Variants in EML5 observed in about 807,000 individuals in gnomAD.
The protein encoded by EML5 is echinoderm microtubule-associated protein-like 5.
Under a neutral mutation model 250.0 loss-of-function variants are expected in EML5, and 120 were observed. That is an observed-to-expected ratio of 0.48 (90% CI 0.41 to 0.56). The LOEUF (loss-of-function observed/expected upper bound fraction) is 0.56, where lower values mean the gene tolerates loss of function less well. EML5 is among the 20% of genes least tolerant of loss of function. The pLI is 0.00. For missense variants in EML5, 2,006 were observed against 2,437.6 expected (o/e 0.82, Z 3.73); for synonymous variants, 771 against 806.5 (o/e 0.96, Z 0.75).
chr14:88,713,033 G>A (rs1167817345), intron 9 of EML5, among the ~76,000 whole-genome samples: 1 of 152,106 alleles, frequency 6.6e-6, no homozygotes. Context: ...GAATTATGCA[G>A]CTAATTTTAT....
chr14:88,662,759 G>A (rs2092165756), intron 24 of EML5, among the ~76,000 whole-genome samples: 1 of 151,858 alleles, frequency 6.6e-6, no homozygotes, highest in Admixed American at 6.6e-5. Context: ...TATCCAGTCT[G>A]GTCTTGAACT....
At chr14:88,768,302 G>A (rs1346096952) in intron 1 of EML5, among the ~76,000 whole-genome samples, 2 of 152,166 alleles carry the variant, frequency 1.3e-5, no homozygotes, top group Non-Finnish European at 2.9e-5. Context: ...GGGAGATACT[G>A]TGAGACTATG....
intron 21 of EML5, among the ~76,000 whole-genome samples, chr14:88,674,572 A>G (rs2092551309): frequency 6.6e-6 from 1 of 152,020 alleles, no homozygotes; most frequent in Admixed American, 6.6e-5. Context: ...CCCACAACAC[A>G]TGTGAATTCG....
At chr14:88,734,050 C>T (rs1266448246) in intron 7 of EML5, among the ~76,000 whole-genome samples, 1 of 151,418 alleles carries the variant, frequency 6.6e-6, no homozygotes, top group Non-Finnish European at 1.5e-5. Context: ...AAATTACTTG[C>T]AATTTACATT....
chr14:88,792,483 CG>C lies in EML5; in HGVS notation c.20del (p.Pro7ArgfsTer70). Reference protein sequence around the residue: MAARSAPSCHLRLEWVY... With the variant: MAARSAXSCHLRLEWVY... ...CCCACTCGAGCCGCAGGTGGCAGCT[CG>C]GGGCGCTCCGGGCCGCCATGTCGGG... On this transcript the variant is annotated frameshift_variant, in exon 1 of 44. Transcript: ENST00000554922. LOFTEE classifies it high-confidence loss of function. The surrounding 1 kb of genome is among the most constrained non-coding windows in gnomAD (Gnocchi z 6.9). 6.9e-7 allele frequency: 1 copy of C among 1,455,728 alleles called. No homozygotes were observed. The highest frequency in any genetic ancestry group is 1.4e-5 in the South Asian group (1 of 72,518). 90.2% of individuals were successfully genotyped at this position (1,455,728 alleles called of 1,614,324 possible). A position where few individuals can be genotyped will look rare whatever the true frequency, so the allele number is the denominator to read the frequency against.
chr14:88,730,461 G>A (rs535847272), intron 7 of EML5, among the ~76,000 whole-genome samples: 1 of 152,316 alleles, frequency 6.6e-6, no homozygotes, highest in South Asian at 2.1e-4. Flanking sequence ...AATTGCAGCA[G>A]CTTAAGAAAT....
intron 1 of EML5, among the ~76,000 whole-genome samples, chr14:88,769,798 C>T (rs2094368476): frequency 6.6e-6 from 1 of 152,152 alleles, no homozygotes; most frequent in Non-Finnish European, 1.5e-5. Context: ...TCCGAAACCA[C>T]AGGGCTCATT....
intron 7 of EML5, among the ~76,000 whole-genome samples, chr14:88,730,369 GA>G (rs1475264545): frequency 6.6e-6 from 1 of 152,204 alleles, no homozygotes; most frequent in Non-Finnish European, 1.5e-5. Context: ...GAGGTTGCAA[GA>G]GAAGTAAGTT....
chr14:88,768,620 C>A (rs1339879389), intron 1 of EML5, among the ~76,000 whole-genome samples: 1 of 152,136 alleles, frequency 6.6e-6, no homozygotes, highest in Non-Finnish European at 1.5e-5. Context: ...CCATGTTGGT[C>A]AGGCTGGTCT....
At chr14:88,663,230 C>T in intron 23 of EML5, 111 bp from the exon 24 acceptor site, 1 of 598,996 alleles carries the variant, frequency 1.7e-6, no homozygotes, top group Non-Finnish European at 2.6e-6. Flanking sequence ...ATATAAAAAC[C>T]ATTTTCTGCT....
Position 88,792,803 on chromosome 14 carries a change from G to C in EML5, c.-300C>G, listed in dbSNP as rs2094623731. ...TAGTCTCCTCAGCCCGTAGCGCCTG[G>C]GCCGAGAGCGAGGGCCCGCCTCCAG... On this transcript the variant is annotated 5_prime_UTR_variant, in exon 1 of 44. Transcript: ENST00000554922. This position sits in a 1 kb window ranked among gnomAD's most constrained non-coding sequence, Gnocchi z 6.9. The C allele has an allele frequency of 1.0e-6, 1 of 975,356 alleles. No homozygotes were observed. Among genetic ancestry groups the C allele is most frequent in the Non-Finnish European group, 1.2e-6 (1 of 815,742 alleles). 60.4% of individuals were successfully genotyped at this position (975,356 alleles called of 1,614,324 possible).
At chr14:88,698,821 T>C (rs1026880328) in intron 14 of EML5, among the ~76,000 whole-genome samples, 2 of 152,224 alleles carry the variant, frequency 1.3e-5, no homozygotes, top group Admixed American at 6.5e-5. Context: ...ATTATGATGA[T>C]GACTAACACT....
At chr14:88,720,707 A>T (rs1047839627) in intron 8 of EML5, among the ~76,000 whole-genome samples, 1 of 152,198 alleles carries the variant, frequency 6.6e-6, no homozygotes, top group South Asian at 2.1e-4. Flanking sequence ...TGCCCTTGAA[A>T]ACTGGCACAA....
At chr14:88,665,570 T>C (rs1454883898) in intron 21 of EML5, 81 bp from the exon 22 acceptor site, 1 of 1,569,420 alleles carries the variant, frequency 6.4e-7, no homozygotes, top group Non-Finnish European at 8.7e-7. Flanking sequence ...CTCATGCCTA[T>C]AATCCAAGCA....
At chr14:88,641,956 A>AT (rs2091089720) in intron 31 of EML5, among the ~76,000 whole-genome samples, 3 of 152,160 alleles carry the variant, frequency 2.0e-5, no homozygotes. Flanking sequence ...ATTAAGAAGG[A>AT]TTTTTCTCTC....
At chr14:88,625,208 T>G in intron 35 of EML5, 81 bp from the exon 36 acceptor site, 2 of 1,475,658 alleles carry the variant, frequency 1.4e-6, no homozygotes, top group South Asian at 2.6e-5. Context: ...TATGTATGTG[T>G]AATGCTGTCT....
chr14:88,744,632 T>C (rs1361023948), intron 3 of EML5, among the ~76,000 whole-genome samples: 1 of 151,728 alleles, frequency 6.6e-6, no homozygotes, highest in Non-Finnish European at 1.5e-5. Flanking sequence ...TTCCATAAAT[T>C]CTAAATACAT....
At chr14:88,760,899 T>C (rs899173722) in intron 1 of EML5, among the ~76,000 whole-genome samples, 2 of 152,172 alleles carry the variant, frequency 1.3e-5, no homozygotes, top group African/African-American at 4.8e-5. Flanking sequence ...TATATAGATA[T>C]TTTTGAGCTT....
Position 88,658,252 on chromosome 14 carries a change from T to A in EML5, c.3812A>T (p.Glu1271Val), listed in dbSNP as rs769729155. 1 of 1,613,848 alleles carries A rather than the reference T, an allele frequency of 6.2e-7. No homozygotes were observed. The highest frequency in any genetic ancestry group is 1.1e-5 in the South Asian group (1 of 91,078). ...MSLMVWTNEMEGYREKRPCDS... is the reference protein window; with the variant it reads ...MSLMVWTNEMVGYREKRPCDS... The stretch of plus-strand genomic sequence containing the variant: ...ACAAGGCCTTTTTTCTCGATAGCCT[T>A]CCATCTCATTTGTCCACACCATTAA... The change falls in exon 26 of 44, where the codon GAA becomes GTA. Residue 1271 changes from glutamate to valine, a missense_variant. Physicochemically the swap from Glu to Val is moderately radical, Grantham distance 121. This residue lies in a region of EML5 where 1,375 missense variants were observed against 1,590.3 expected (regional missense o/e 0.86). Transcript: ENST00000554922.
Sources: allele counts gnomAD v4.1 joint callset (sites outside exome capture counted in the v4.1 genomes callset), GRCh38; gene constraint gnomAD v4.1.1; regional missense constraint gnomAD v4.1.1; non-coding constraint Gnocchi (gnomAD v3.1); transcripts MANE v1.5; gene names NCBI Gene and HGNC (gene_info 2026-07-23, HGNC 2026-07-21).